Variants in TTN observed in about 807,000 individuals in gnomAD.
TTN encodes the protein titin.
In TTN, 1,525 loss-of-function variants were observed where a neutral mutation model predicts 3,223.0. That is an observed-to-expected ratio of 0.47 (90% CI 0.45 to 0.49). TTN has a LOEUF of 0.49. Ranked by LOEUF, TTN falls within the 20% of genes least tolerant of loss-of-function variation. The pLI, the probability that TTN is intolerant of heterozygous loss-of-function variation, is 0.00. For synonymous variants in TTN, 14,094 were observed against 15,161.0 expected (o/e 0.93, Z 5.17); for missense variants, 40,786 against 43,424.0 (o/e 0.94, Z 5.40).
chr2:178,609,941 G>A lies in TTN; in HGVS notation c.51482C>T (p.Ala17161Val), dbSNP rs16866412. The A allele has an allele frequency of 0.023, 36,450 of 1,612,702 alleles. 980 individuals carry two copies. The highest frequency in any genetic ancestry group is 0.14 in the East Asian group (6,052 of 44,728). The change falls in exon 272 of 363, where the codon GCG becomes GTG. Residue 17161 changes from alanine to valine, a missense_variant. By Grantham distance (64) the Ala-to-Val change is moderately conservative. Transcript: ENST00000589042. ...CTTCCATGTAATAGTCATTGCCTCC[G>A]CTGTAGGATTATGAACCTCTACATC... ...PVDVEVHNPT[A>V]EAMTITWKPP...
chr2:178,541,630 T>G (rs573996397), intron 349 of TTN, 46 bp from the exon 350 acceptor site: 2 of 1,499,230 alleles, frequency 1.3e-6, no homozygotes, highest in Non-Finnish European at 1.8e-6. Context: ...ATGAATACGT[T>G]AAAACAATGA....
chr2:178,652,500 G>C lies in TTN; in HGVS notation c.39085C>G (p.Pro13029Ala). 6.2e-7 allele frequency: 1 copy of C among 1,613,614 alleles called. No homozygotes were observed. The highest frequency in any genetic ancestry group is 8.5e-7 in the Non-Finnish European group (1 of 1,179,646). ...TCAGGCTTTTTAGGAGGAGCCGCTG[G>C]CACTTTCTTTTCAGGAACAACTTCT... ...PKEVVPEKKV[P>A]AAPPKKPEVT... Residue 13029 changes from proline to alanine, a missense_variant, in exon 202 of 363, where the codon CCA (proline) becomes GCA (alanine). Physicochemically the swap from Pro to Ala is conservative, Grantham distance 27 (BLOSUM62 -1). Coordinates refer to ENST00000589042, the MANE Select transcript of TTN (RefSeq NM_001267550.2).
chr2:178,539,724 A>G lies in TTN; in HGVS notation c.98341T>C (p.Cys32781Arg), dbSNP rs562178341. The change falls in exon 352 of 363, where the codon TGT becomes CGT. Residue 32781 changes from cysteine to arginine, a missense_variant. Transcript: ENST00000589042. Reference protein sequence around the residue: ...GTYDLVLENKCGKKAVYIKVR... With the variant: ...GTYDLVLENKRGKKAVYIKVR... ...TTGATGTAGACAGCCTTCTTGCCACATTTATTTTCCAGAACCAGGTCATAA... is the reference window on the plus strand; with the variant it reads ...TTGATGTAGACAGCCTTCTTGCCACGTTTATTTTCCAGAACCAGGTCATAA... 1.2e-4 allele frequency: 194 copies of G among 1,613,672 alleles called. 3 individuals carry two copies. In the South Asian group the frequency reaches 2.0e-3, roughly 17 times the overall value.
At position 178,581,482 on chromosome 2, in the gene TTN, C is replaced by T; in HGVS notation, c.66769+17G>A. On this transcript the variant is annotated intron_variant, in intron 316 of 362. Transcript: ENST00000589042. Reference sequence around the variant, plus strand: ...TTAATAGGAAAAGCCTTATGTACTCCCCCTGGTAATACTTACTTAAGATGT... The same window carrying T: ...TTAATAGGAAAAGCCTTATGTACTCTCCCTGGTAATACTTACTTAAGATGT... The T allele has an allele frequency of 6.4e-7, 1 of 1,566,612 alleles. No homozygotes were observed. Among genetic ancestry groups the T allele is most frequent in the East Asian group, 2.3e-5 (1 of 44,128 alleles).
Position 178,776,570 on chromosome 2 carries a change from C to T in TTN, c.5294G>A (p.Gly1765Asp), listed in dbSNP as rs2092251339. The T allele has an allele frequency of 1.2e-6, 2 of 1,613,298 alleles. No individual in the cohort carries two copies. The highest frequency in any genetic ancestry group is 1.1e-5 in the South Asian group (1 of 91,084). Residue 1765 changes from glycine to aspartate, a missense_variant, in exon 28 of 363, where the codon GGC becomes GAC. Physicochemically the swap from Gly to Asp is moderately conservative, Grantham distance 94. Coordinates refer to ENST00000589042, the MANE Select transcript of TTN (RefSeq NM_001267550.2). ...ACCACTGTCTCTAGAATATGCAACG[C>T]CATAATCAAGGCTGCAGTACCCAAA... ...NEFGYCSLDY[G>D]VAYSRDSGII...
In TTN at chr2:178,707,471, A is replaced by AGG. The variant is rs761243245; in HGVS notation, c.29041+54_29041+55insCC. 118 of 1,508,706 alleles carry AGG rather than the reference A, an allele frequency of 7.8e-5. 1 individual carries two copies. In the Middle Eastern group the frequency reaches 1.1e-3, roughly 14 times the overall value. 93.5% of individuals were successfully genotyped at this position (1,508,706 alleles called of 1,614,324 possible). A position where few individuals can be genotyped will look rare whatever the true frequency, so the allele number is the denominator to read the frequency against. On this transcript the variant is annotated intron_variant, in intron 100 of 362. Transcript: ENST00000589042. ...TTTCTAGGGAAATCATAATAAGCAA[A>AGG]TAAACATGAGTGGTTGCTGGCTTGA...
At position 178,604,869 on chromosome 2, in the gene TTN, C is replaced by G; in HGVS notation, c.54220G>C (p.Val18074Leu). 6.2e-7 allele frequency: 1 copy of G among 1,612,058 alleles called. No homozygotes were observed. Among genetic ancestry groups the G allele is most frequent in the Non-Finnish European group, 8.5e-7 (1 of 1,178,926 alleles). ...DRPSPPRNLA[V>L]TDIKAESCYL... ...CAAGATTCAGCTTTAATGTCAGTAA[C>G]AGCAAGATTTCTTGGTGGGGATGGG... The change falls in exon 281 of 363, where the codon GTT becomes CTT. Residue 18074 changes from valine to leucine, a missense_variant. Physicochemically the swap from Val to Leu is conservative, Grantham distance 32. Coordinates refer to ENST00000589042, the MANE Select transcript of TTN (RefSeq NM_001267550.2).
Position 178,617,157 on chromosome 2 carries a change from A to C in TTN, c.47838T>G (p.Ser15946=), listed in dbSNP as rs545186436. ...CAGCGGTGAGAGGACCAAGAATTTC[A>C]GATGGATCTGAAACACCAGCTTTAT... ...AENKAGVSDP[S]EILGPLTADD... The change falls in exon 255 of 363, where the codon TCT becomes TCG. Residue 15946 remains serine (S), a synonymous_variant. Transcript: ENST00000589042. 5 of 1,606,682 alleles carry C rather than the reference A, an allele frequency of 3.1e-6. No homozygotes were observed. Among genetic ancestry groups the C allele is most frequent in the Middle Eastern group, 1.7e-4 (1 of 6,038 alleles).
intron 288 of TTN, 91 bp downstream of exon 288, chr2:178,600,763 C>T: frequency 6.8e-7 from 1 of 1,472,520 alleles, no homozygotes. Flanking sequence ...TCCTAAGGTA[C>T]AGATATAGCT....
chr2:178,699,731 T>A (rs1212789349), intron 111 of TTN, among the ~76,000 whole-genome samples: 2 of 122,486 alleles, frequency 1.6e-5, no homozygotes, highest in African/African-American at 6.4e-5. Flanking sequence ...TAATTTTTTT[T>A]TTTTTTTTTT....
In TTN at chr2:178,576,381, C is replaced by A; in HGVS notation, c.69751G>T (p.Asp23251Tyr). 1 of 1,561,448 alleles carries A rather than the reference C, an allele frequency of 6.4e-7. No individual in the cohort carries two copies. The highest frequency in any genetic ancestry group is 8.6e-7 in the Non-Finnish European group (1 of 1,161,204). Residue 23251 changes from aspartate to tyrosine, a missense_variant, in exon 326 of 363, where the codon GAT (aspartate) becomes TAT (tyrosine). By Grantham distance (160) the Asp-to-Tyr change is radical. Coordinates refer to ENST00000589042, the MANE Select transcript of TTN (RefSeq NM_001267550.2). The surrounding 1 kb of genome is among the most constrained non-coding windows in gnomAD (Gnocchi z 4.3). ...PGPPSNPHVT[D>Y]TTKKSASLAW... is the part of the protein sequence containing the mutation. Reference sequence around the variant, plus strand: ...AAAGAAGCAGATTTCTTGGTAGTATCAGTGACATGCGGATTTGAAGGTGGT... The same window carrying A: ...AAAGAAGCAGATTTCTTGGTAGTATAAGTGACATGCGGATTTGAAGGTGGT...
At chr2:178,616,404 T>C in intron 257 of TTN, 75 bp downstream of exon 257, 3 of 1,579,776 alleles carry the variant, frequency 1.9e-6, no homozygotes, top group East Asian at 2.2e-5. Context: ...ATAAGACTTT[T>C]GTATGGCATC....
intron 3 of TTN, among the ~76,000 whole-genome samples, chr2:178,801,333 G>A (rs1276819000): frequency 1.3e-5 from 2 of 152,090 alleles, no homozygotes; most frequent in Non-Finnish European, 2.9e-5. Flanking sequence ...ACTTTGACAT[G>A]ATTTTGAGTA....
intron 282 of TTN, among the ~76,000 whole-genome samples, chr2:178,603,323 A>G (rs2154194210): frequency 6.6e-6 from 1 of 152,128 alleles, no homozygotes; most frequent in East Asian, 1.9e-4. Context: ...GATATGTAGC[A>G]AATAGGATGA....
chr2:178,664,028 G>T lies in TTN; in HGVS notation c.36351C>A (p.Val12117=). ...AGTGACAAATACCTTTAACAGGTGG[G>T]ACTTCAGGCTTTTTAGGAGGCACCA... is the stretch of plus-strand genomic sequence containing the variant. The part of the protein sequence containing the change: ...VSVVPPKKPE[V]PPVKVPEASK... The change falls in exon 169 of 363, where the codon GTC becomes GTA. Residue 12117 remains valine, a synonymous_variant. Transcript: ENST00000589042. 6.2e-7 allele frequency: 1 copy of T among 1,613,222 alleles called. No homozygotes were observed. The highest frequency in any genetic ancestry group is 1.1e-5 in the South Asian group (1 of 91,058).
chr2:178,572,784 C>A lies in TTN; in HGVS notation c.73348G>T (p.Val24450Phe), dbSNP rs771025206. The part of the protein sequence containing the change: ...IRACCTLRLF[V>F]PIKGRPAPEV... ...GGTGCAGGCCTTCCTTTGATGGGAA[C>A]AAAAAGTCTCAGGGTGCAGCAGGCC... Residue 24450 changes from valine to phenylalanine, a missense_variant, in exon 326 of 363, where the codon GTT becomes TTT. Coordinates refer to ENST00000589042, the MANE Select transcript of TTN (RefSeq NM_001267550.2). The A allele has an allele frequency of 2.5e-6, 4 of 1,613,406 alleles. No homozygotes were observed. The highest frequency in any genetic ancestry group is 3.4e-6 in the Non-Finnish European group (4 of 1,179,576).
chr2:178,689,456 T>C, intron 123 of TTN, 59 bp downstream of exon 123: 1 of 1,602,152 alleles, frequency 6.2e-7, no homozygotes, highest in Non-Finnish European at 8.5e-7. Flanking sequence ...AAAGAAGACA[T>C]GCAATTAAAG....
Position 178,694,528 on chromosome 2 carries a change from T to C in TTN, c.31426+71A>G, listed in dbSNP as rs1476273394. On this transcript the variant is annotated intron_variant, in intron 117 of 362. Transcript: ENST00000589042. ...TTCAGATTTGTGAGTTACTTAGCAA[T>C]ATATGTACACATGTCCATACACATA... The C allele has an allele frequency of 4.5e-6, 5 of 1,107,226 alleles. No homozygotes were observed. The Admixed American group carries it at 1.3e-4, about 30-fold the overall frequency. The allele number at this position is 1,107,226 out of a possible 1,614,324, so 68.6% of individuals were successfully genotyped here. A position where few individuals can be genotyped will look rare whatever the true frequency, so the allele number is the denominator to read the frequency against.
In TTN at chr2:178,621,357, C is replaced by T. The variant is rs1264862895; in HGVS notation, c.45361G>A (p.Glu15121Lys). 1.9e-6 allele frequency: 3 copies of T among 1,610,902 alleles called. No individual in the cohort carries two copies. The Admixed American group carries it at 5.0e-5, about 27-fold the overall frequency. Residue 15121 changes from glutamate (E) to lysine (K), a missense_variant, in exon 246 of 363, where the codon GAA (glutamate) becomes AAA (lysine). Coordinates refer to ENST00000589042, the MANE Select transcript of TTN (RefSeq NM_001267550.2). The stretch of plus-strand genomic sequence containing the variant: ...AGGTTTTGAGGCTTTGAGATAAATT[C>T]AGCAGCCAGTTCTGGGAAGAAAAAG... ...GKVKVHELAA[E>K]FISKPQNLEI...
Sources: allele counts gnomAD v4.1 joint callset (sites outside exome capture counted in the v4.1 genomes callset), GRCh38; gene constraint gnomAD v4.1.1; non-coding constraint Gnocchi (gnomAD v3.1); transcripts MANE v1.5; gene names NCBI Gene and HGNC (gene_info 2026-07-23, HGNC 2026-07-21).